Variants in FTCD observed in about 807,000 individuals in gnomAD.
FTCD encodes formimidoyltransferase cyclodeaminase.
In FTCD, 76 loss-of-function variants were observed where a neutral mutation model predicts 62.9. The ratio of observed to expected loss-of-function variants is 1.21; its 90% CI spans 1.00 to 1.46. The LOEUF is 1.46. FTCD is among the 40% of genes most tolerant of loss of function. The pLI is 0.00. For missense variants in FTCD, 845 were observed against 751.3 expected, an observed-to-expected ratio of 1.12 and a Z score of -1.46; for synonymous variants, 397 against 336.9, an observed-to-expected ratio of 1.18 and a Z score of -1.95.
At chr21:46,139,036 C>T in intron 10 of FTCD, 113 bp from the exon 11 acceptor site, 1 of 829,642 alleles carries the variant, frequency 1.2e-6, no homozygotes. Context: ...GGGACCAGTT[C>T]TCTGGGAACC....
Position 46,138,873 on chromosome 21 carries a change from G to A in FTCD, c.1304+7C>T, listed in dbSNP as rs2078931518. On this transcript the variant is annotated splice_region_variant and intron_variant, in intron 11 of 13. Transcript: ENST00000397746. ...GGCCCACGGTGCGGCCGGCCCTCCA[G>A]GCTCACCTGTCCTTTTCCTCAGGTG... is the stretch of plus-strand genomic sequence containing the variant. The A allele has an allele frequency of 1.9e-6, 3 of 1,610,528 alleles. No individual in the cohort carries two copies. The highest frequency in any genetic ancestry group is 2.5e-6 in the Non-Finnish European group (3 of 1,176,942).
chr21:46,145,930 C>T lies in FTCD; in HGVS notation c.986G>A (p.Arg329His), dbSNP rs1326163817. 3.3e-6 allele frequency: 5 copies of T among 1,504,504 alleles called. No homozygotes were observed. Among genetic ancestry groups the T allele is most frequent in the South Asian group, 1.2e-5 (1 of 81,108 alleles). 93.2% of individuals were successfully genotyped at this position (1,504,504 alleles called of 1,614,324 possible). A position where few individuals can be genotyped will look rare whatever the true frequency, so the allele number is the denominator to read the frequency against. ...ERIIEYLVPERGPERGLGSKS... is the reference protein window; with the variant it reads ...ERIIEYLVPEHGPERGLGSKS... ...GCTGCCCAGGCCTCGCTCAGGCCCGCGCTCAGGGACCAGGTACCTGCAGGG... is the reference window on the plus strand; with the variant it reads ...GCTGCCCAGGCCTCGCTCAGGCCCGTGCTCAGGGACCAGGTACCTGCAGGG... Residue 329 changes from arginine (R) to histidine (H), a missense_variant, in exon 9 of 14, where the codon CGC (arginine) becomes CAC (histidine). Arg to His is a conservative substitution (Grantham distance 29). Coordinates refer to ENST00000397746, the MANE Select transcript of FTCD (RefSeq NM_206965.2).
intron 2 of FTCD, 156 bp downstream of exon 2, chr21:46,153,993 A>G: frequency 1.3e-6 from 1 of 769,482 alleles, no homozygotes; most frequent in East Asian, 2.7e-5. Flanking sequence ...TGACCCCCAC[A>G]CTCCAGGGTC....
rs1236407065 is a variant in FTCD at position 46,151,929 on chromosome 21, G to T, written c.419C>A (p.Ala140Asp). ...ARMDSRRTLP[A>D]IRAGEYEALP... ...GGCCTCGTACTCCCCGGCCCGGATG[G>T]CCGGCAGGGTCCGGCGACTGTCCAT... Residue 140 changes from alanine (A) to aspartate (D), a missense_variant, in exon 4 of 14, where the codon GCC becomes GAC. Coordinates refer to ENST00000397746, the MANE Select transcript of FTCD (RefSeq NM_206965.2). 2 of 1,573,326 alleles carry T rather than the reference G, an allele frequency of 1.3e-6. No individual in the cohort carries two copies. Among genetic ancestry groups the T allele is most frequent in the Non-Finnish European group, 1.7e-6 (2 of 1,160,042 alleles).
intron 3 of FTCD, chr21:46,152,553 G>A (rs2079317650): frequency 4.3e-6 from 1 of 230,608 alleles, no homozygotes; most frequent in South Asian, 9.5e-5. Flanking sequence ...GCAGCCTAGG[G>A]GTGGGTATGC....
chr21:46,136,652 C>A, downstream of FTCD: 5 of 1,476,064 alleles, frequency 3.4e-6, no homozygotes, highest in Non-Finnish European at 4.5e-6. Flanking sequence ...TCTGTCTCCT[C>A]ACGCTGCAAC....
chr21:46,155,339 G>A (rs751992598), intron 1 of FTCD, 131 bp downstream of exon 1: 19 of 770,054 alleles, frequency 2.5e-5, no homozygotes, highest in Non-Finnish European at 4.1e-5. Flanking sequence ...TGGGGCCCAC[G>A]GGCAGCGGCT....
chr21:46,151,923 C>T lies in FTCD; in HGVS notation c.425G>A (p.Arg142Gln), dbSNP rs375990689. ...AGGGAGGGCCTCGTACTCCCCGGCC[C>T]GGATGGCCGGCAGGGTCCGGCGACT... ...MDSRRTLPAI[R>Q]AGEYEALPKK... Residue 142 changes from arginine (R) to glutamine (Q), a missense_variant, in exon 4 of 14, where the codon CGG becomes CAG. Physicochemically the swap from Arg to Gln is conservative, Grantham distance 43 (BLOSUM62 1). Coordinates refer to ENST00000397746, the MANE Select transcript of FTCD (RefSeq NM_206965.2). 83 of 1,571,116 alleles carry T rather than the reference C, an allele frequency of 5.3e-5. 1 individual carries two copies. The highest frequency in any genetic ancestry group is 4.8e-4 in the South Asian group (41 of 86,190).
chr21:46,152,422 G>T, intron 3 of FTCD: 1 of 206,718 alleles, frequency 4.8e-6, no homozygotes, highest in South Asian at 1.1e-4. Flanking sequence ...ACCGTGACGG[G>T]GGTTACGTGT....
downstream of FTCD, chr21:46,136,382 C>T: frequency 6.5e-7 from 1 of 1,545,010 alleles, no homozygotes; most frequent in East Asian, 2.3e-5. Context: ...TGGACGGGAA[C>T]TGAGGACAGG....
chr21:46,151,018 G>A (rs1054378130), intron 5 of FTCD, among the ~76,000 whole-genome samples: 5 of 152,238 alleles, frequency 3.3e-5, no homozygotes, highest in Admixed American at 2.0e-4. Flanking sequence ...TCGGGAAGCC[G>A]GGTCCCAGGA....
intron 10 of FTCD, 185 bp from the exon 11 acceptor site, chr21:46,139,108 AG>A: frequency 4.5e-5 from 22 of 489,028 alleles, no homozygotes; most frequent in South Asian, 1.1e-4. Flanking sequence ...GGAGCAGGGT[AG>A]GGGGGGTCGG....
At chr21:46,137,100 T>C (rs566282813) in intron 13 of FTCD, 27 bp from the exon 14 acceptor site, 3 of 1,613,510 alleles carry the variant, frequency 1.9e-6, no homozygotes, top group East Asian at 2.2e-5. Context: ...AAGAGGGGTC[T>C]GGTAGTTCCA....
chr21:46,152,447 C>T (rs1039049630), intron 3 of FTCD: 8 of 199,234 alleles, frequency 4.0e-5, no homozygotes, highest in Non-Finnish European at 6.1e-5. Flanking sequence ...TGCATGCCGG[C>T]GTGACCGTGA....
At chr21:46,149,117 G>A (rs9974226) in intron 7 of FTCD, among the ~76,000 whole-genome samples, 45,677 of 152,102 alleles carry the variant, frequency 0.3, 7,881 homozygotes, top group African/African-American at 0.48. Flanking sequence ...ATATGGGTGG[G>A]AGGCAGGAGT....
At chr21:46,140,309 T>C in intron 10 of FTCD, among the ~76,000 whole-genome samples, 1 of 139,432 alleles carries the variant, frequency 7.2e-6, no homozygotes, top group African/African-American at 2.8e-5. Flanking sequence ...AACCCAGCCC[T>C]CCCCGTCCAC....
rs776027234 is a variant in FTCD, at chr21:46,136,965, C to T, written c.*22G>A. 5.0e-6 allele frequency: 8 copies of T among 1,612,738 alleles called. No homozygotes were observed. The highest frequency in any genetic ancestry group is 2.7e-5 in the African/African-American group (2 of 74,930). ...GATGGGCGAGGGAGGGGCCACAGAG[C>T]CCGGAGAGGCCTCCCGCACCGTCAC... On this transcript the variant is annotated 3_prime_UTR_variant, in exon 14 of 14. Coordinates refer to ENST00000397746, the MANE Select transcript of FTCD (RefSeq NM_206965.2).
At chr21:46,143,904 A>G (rs2079070578) in intron 10 of FTCD, among the ~76,000 whole-genome samples, 1 of 152,192 alleles carries the variant, frequency 6.6e-6, no homozygotes, top group South Asian at 2.1e-4. Flanking sequence ...TCTCCCTGTG[A>G]TGCTGTGCTT....
intron 8 of FTCD, 73 bp downstream of exon 8, chr21:46,146,193 C>T: frequency 9.2e-7 from 1 of 1,090,280 alleles, no homozygotes; most frequent in South Asian, 1.3e-5. Context: ...CACGCAGGGA[C>T]CCCAGCGCCC....
Sources: gnomAD v4.1 joint callset for allele counts (sites outside exome capture counted in the v4.1 genomes callset) on GRCh38, gnomAD v4.1.1 for gene constraint, MANE v1.5 for transcripts, NCBI Gene and HGNC (gene_info 2026-07-23, HGNC 2026-07-21) for gene names.